The following LAMB4 variants were observed in gnomAD, a reference collection of about 807,000 sequenced individuals.
The protein encoded by LAMB4 is laminin subunit beta 4, also known as laminin subunit beta-4.
In LAMB4, 196 loss-of-function variants were observed where a neutral mutation model predicts 199.2. The ratio of observed to expected loss-of-function variants is 0.98; its 90% CI spans 0.88 to 1.11. LAMB4 has a LOEUF of 1.11. LAMB4 is among the 50% of genes least tolerant of loss of function. The probability of loss-of-function intolerance (pLI) is 0.00; values close to 1 mark genes in which losing one functional copy is unlikely to be tolerated. For synonymous variants in LAMB4, 744 were observed against 770.6 expected (o/e 0.97, Z 0.57); for missense variants, 2,080 against 2,171.2 (o/e 0.96, Z 0.83).
intron 23 of LAMB4, among the ~76,000 whole-genome samples, chr7:108,059,702 A>G (rs1184311446): frequency 6.6e-6 from 1 of 151,114 alleles, no homozygotes; most frequent in Non-Finnish European, 1.5e-5. Flanking sequence ...GCCCTGCCAC[A>G]CTGCTGGCTC....
chr7:108,123,309 C>A, intron 1 of LAMB4, 112 bp from the exon 2 acceptor site: 1 of 568,954 alleles, frequency 1.8e-6, no homozygotes, highest in Non-Finnish European at 3.1e-6. Context: ...TTTAGACATA[C>A]GAAATAACCA....
intron 6 of LAMB4, among the ~76,000 whole-genome samples, chr7:108,107,283 T>C (rs1445759808): frequency 6.6e-6 from 1 of 152,210 alleles, no homozygotes; most frequent in Non-Finnish European, 1.5e-5. Flanking sequence ...GGTGGTGGTT[T>C]ACAGAGTATG....
intron 21 of LAMB4, 83 bp downstream of exon 21, chr7:108,065,679 G>A: frequency 8.6e-7 from 1 of 1,162,826 alleles, no homozygotes; most frequent in Non-Finnish European, 1.2e-6. Flanking sequence ...GTCCAAGACA[G>A]ATAAGTCATG....
chr7:108,048,587 T>C (rs942832014), intron 27 of LAMB4, among the ~76,000 whole-genome samples: 4 of 152,256 alleles, frequency 2.6e-5, no homozygotes, highest in African/African-American at 9.6e-5. Context: ...ACTAAACATC[T>C]AAATTACTTA....
chr7:108,012,758 T>C, the LAMB4 span, among the ~76,000 whole-genome samples: 1 of 152,172 alleles, frequency 6.6e-6, no homozygotes, highest in African/African-American at 2.4e-5. Context: ...ATATAATCTC[T>C]CTTTTGTCTC....
intron 17 of LAMB4, among the ~76,000 whole-genome samples, chr7:108,070,154 T>G (rs6973739): frequency 0.12 from 18,703 of 152,204 alleles, 1,293 homozygotes; most frequent in East Asian, 0.2. Flanking sequence ...TTGTCTAGAT[T>G]TGAAAGAGTA....
rs2037414598 is a variant in LAMB4, at chr7:108,091,776, C to T, written c.1551G>A (p.Val517=). Residue 517 remains valine, a splice_region_variant and synonymous_variant, in exon 14 of 34, where the codon GTG becomes GTA. Coordinates refer to ENST00000388781, the MANE Select transcript of LAMB4 (RefSeq NM_007356.3). The stretch of plus-strand genomic sequence containing the variant: ...CACACTGCCCATTCTTGGGTGAGCA[C>T]CTGAGGAAAAAGCAATTCATCATGA... ...DCDIGGAYSN[V]CSPKNGQCEC... is the part of the protein sequence containing the mutation. 1 of 1,612,970 alleles carries T rather than the reference C, an allele frequency of 6.2e-7. No individual in the cohort carries two copies. The highest frequency in any genetic ancestry group is 2.2e-5 in the East Asian group (1 of 44,872).
At chr7:108,101,558 C>G (rs1373347985) in intron 10 of LAMB4, among the ~76,000 whole-genome samples, 1 of 152,142 alleles carries the variant, frequency 6.6e-6, no homozygotes, top group East Asian at 1.9e-4. Context: ...CTGTTAGTAT[C>G]CATGAAACAA....
chr7:108,056,226 T>G (rs192655520), intron 24 of LAMB4, among the ~76,000 whole-genome samples: 1 of 152,366 alleles, frequency 6.6e-6, no homozygotes. Context: ...TATTTCAATT[T>G]GGCAAATATC....
downstream of LAMB4, among the ~76,000 whole-genome samples, chr7:108,019,880 C>G (rs574325869): frequency 2.0e-5 from 3 of 152,266 alleles, no homozygotes; most frequent in East Asian, 5.8e-4. Flanking sequence ...TGTTGGGTCT[C>G]AGCTGTCCTT....
intron 32 of LAMB4, among the ~76,000 whole-genome samples, chr7:108,030,203 A>G (rs1584584695): frequency 6.6e-6 from 1 of 152,142 alleles, no homozygotes; most frequent in Non-Finnish European, 1.5e-5. Context: ...TACCCAGCAC[A>G]TTAGGAATTA....
downstream of LAMB4, among the ~76,000 whole-genome samples, chr7:108,018,600 A>C (rs982061357): frequency 6.6e-6 from 1 of 152,218 alleles, no homozygotes; most frequent in East Asian, 1.9e-4. Flanking sequence ...TTAGCTGGGC[A>C]TGGTGGCACG....
In LAMB4 at chr7:108,077,162, C is replaced by A. The variant is rs1009533669; in HGVS notation, c.2004-98G>T. The A allele has an allele frequency of 3.2e-6, 4 of 1,247,794 alleles. No homozygotes were observed. In the African/African-American group the frequency reaches 4.4e-5, roughly 14 times the overall value. The allele number at this position is 1,247,794 out of a possible 1,614,324, so 77.3% of individuals were successfully genotyped here. On this transcript the variant is annotated intron_variant, in intron 16 of 33. Coordinates refer to ENST00000388781, the MANE Select transcript of LAMB4 (RefSeq NM_007356.3). ...TTGGTAGCATTGCACTTGTACTGGG[C>A]AGTGACCTCCACTGTGGGGCTGAGG...
chr7:108,062,551 A>G (rs2036198767), intron 23 of LAMB4: 3 of 341,898 alleles, frequency 8.8e-6, no homozygotes, highest in South Asian at 1.5e-4. Flanking sequence ...CCTCAGTCAC[A>G]GAGAGAAAAC....
intron 22 of LAMB4, among the ~76,000 whole-genome samples, chr7:108,063,308 G>T (rs1016187074): frequency 1.3e-5 from 2 of 152,110 alleles, no homozygotes; most frequent in Middle Eastern, 6.8e-3. Flanking sequence ...GAAAACAATG[G>T]TTTACGTACA....
intron 24 of LAMB4, 84 bp downstream of exon 24, chr7:108,057,748 T>G: frequency 2.4e-6 from 2 of 832,082 alleles, no homozygotes; most frequent in South Asian, 1.5e-5. Flanking sequence ...AAAAAAGAAA[T>G]TTAAAATTCA....
At chr7:108,128,230 C>A (rs1335108624) in intron 1 of LAMB4, among the ~76,000 whole-genome samples, 1 of 152,114 alleles carries the variant, frequency 6.6e-6, no homozygotes, top group Admixed American at 6.6e-5. Flanking sequence ...TGGGTCTGCC[C>A]TGTGTATAAG....
chr7:108,114,997 C>A (rs2038358007), intron 3 of LAMB4, among the ~76,000 whole-genome samples: 1 of 152,182 alleles, frequency 6.6e-6, no homozygotes, highest in South Asian at 2.1e-4. Flanking sequence ...GGTGTACAAT[C>A]AATTCAAAGT....
the LAMB4 span, among the ~76,000 whole-genome samples, chr7:108,016,582 C>A: frequency 6.6e-6 from 1 of 152,164 alleles, no homozygotes; most frequent in Non-Finnish European, 1.5e-5. Flanking sequence ...CTGAGCCCAA[C>A]CTATTTTGGA....
Sources: allele counts gnomAD v4.1 joint callset (sites outside exome capture counted in the v4.1 genomes callset), GRCh38; gene constraint gnomAD v4.1.1; transcripts MANE v1.5; gene names NCBI Gene and HGNC (gene_info 2026-07-23, HGNC 2026-07-21).